AP3S1: variants seen among roughly 807,000 people sequenced by gnomAD.
The protein encoded by AP3S1 is adaptor related protein complex 3 subunit sigma 1.
In AP3S1, 12 loss-of-function variants were observed where a neutral mutation model predicts 21.3. The ratio of observed to expected loss-of-function variants is 0.56; its 90% CI spans 0.36 to 0.91. The LOEUF is 0.91. Ranked by LOEUF, AP3S1 falls within the 40% of genes least tolerant of loss-of-function variation. The pLI, the probability that AP3S1 is intolerant of heterozygous loss-of-function variation, is 0.01. For synonymous variants in AP3S1, 48 were observed against 78.4 expected (o/e 0.61, Z 2.05); for missense variants, 116 against 225.0 (o/e 0.52, Z 3.10).
At chr5:115,909,194 ATTGT>A (rs1751904511) in intron 5 of AP3S1, among the ~76,000 whole-genome samples, 1 of 152,154 alleles carries the variant, frequency 6.6e-6, no homozygotes, top group Non-Finnish European at 1.5e-5. Context: ...AAGAAAGTTG[ATTGT>A]TTATTGCATG....
intron 5 of AP3S1, among the ~76,000 whole-genome samples, chr5:115,906,044 G>A (rs1313004597): frequency 2.6e-5 from 4 of 152,260 alleles, no homozygotes; most frequent in South Asian, 4.2e-4. Flanking sequence ...TGTAATCCTA[G>A]TTGCTCTGGA....
intron 5 of AP3S1, among the ~76,000 whole-genome samples, chr5:115,911,833 A>G (rs1043487987): frequency 1.3e-5 from 2 of 152,050 alleles, no homozygotes; most frequent in African/African-American, 4.8e-5. Flanking sequence ...TCAGGTAGGT[A>G]TAAGTATAGA....
chr5:115,856,337 T>C (rs1378691975), intron 1 of AP3S1, among the ~76,000 whole-genome samples: 2 of 152,198 alleles, frequency 1.3e-5, no homozygotes, highest in Non-Finnish European at 2.9e-5. Context: ...TTAATTGATA[T>C]AATAACTGTG....
At chr5:115,902,144 C>T (rs1751271688) in intron 4 of AP3S1, among the ~76,000 whole-genome samples, 5 of 152,088 alleles carry the variant, frequency 3.3e-5, no homozygotes, top group African/African-American at 9.7e-5. Flanking sequence ...TTGGAGTCTC[C>T]ATTTCTAACC....
chr5:115,843,164 G>T (rs1761767840), intron 1 of AP3S1, among the ~76,000 whole-genome samples: 1 of 152,206 alleles, frequency 6.6e-6, no homozygotes, highest in South Asian at 2.1e-4. Context: ...TTAATGTGAG[G>T]TATAACTGTT....
intron 1 of AP3S1, among the ~76,000 whole-genome samples, chr5:115,855,732 T>C (rs924164266): frequency 5.3e-5 from 8 of 152,356 alleles, no homozygotes; most frequent in African/African-American, 1.9e-4. Flanking sequence ...ATTTTACTTC[T>C]TGTATTAGAT....
chr5:115,889,803 A>G (rs914437871), intron 3 of AP3S1, among the ~76,000 whole-genome samples: 2 of 146,490 alleles, frequency 1.4e-5, no homozygotes, highest in African/African-American at 5.1e-5. Flanking sequence ...TAGTGAAACC[A>G]TGTCTTTAAA....
intron 5 of AP3S1, among the ~76,000 whole-genome samples, chr5:115,908,052 C>A (rs1751800816): frequency 6.6e-6 from 1 of 152,094 alleles, no homozygotes; most frequent in African/African-American, 2.4e-5. Context: ...CTTTTAGCCA[C>A]TAAATTTTTA....
intron 1 of AP3S1, among the ~76,000 whole-genome samples, chr5:115,849,822 G>GT (rs1001964887): frequency 8.6e-5 from 13 of 151,912 alleles, no homozygotes; most frequent in Non-Finnish European, 1.6e-4. Flanking sequence ...ACTTGGGAGG[G>GT]TAAGGTGGGA....
At chr5:115,869,996 T>C in intron 2 of AP3S1, 21 bp from the exon 3 acceptor site, 2 of 1,469,026 alleles carry the variant, frequency 1.4e-6, no homozygotes, top group Non-Finnish European at 1.9e-6. Context: ...CCAATAACAT[T>C]ACAATTTTTT....
chr5:115,874,784 A>G (rs1202799262), intron 3 of AP3S1, among the ~76,000 whole-genome samples: 1 of 151,974 alleles, frequency 6.6e-6, no homozygotes, highest in Non-Finnish European at 1.5e-5. Context: ...TTTTAACTTT[A>G]CATGCTTGTT....
chr5:115,850,510 A>G (rs1016180735), intron 1 of AP3S1, among the ~76,000 whole-genome samples: 6 of 152,142 alleles, frequency 3.9e-5, no homozygotes, highest in African/African-American at 1.4e-4. Flanking sequence ...ATTAAACACT[A>G]ACTTCCTATT....
intron 1 of AP3S1, among the ~76,000 whole-genome samples, chr5:115,849,145 A>G (rs369850130): frequency 2.0e-5 from 3 of 152,218 alleles, no homozygotes; most frequent in Non-Finnish European, 2.9e-5. Context: ...TAATACAGTG[A>G]TAAGTAAGAC....
At chr5:115,907,997 AC>A (rs1484523893) in intron 5 of AP3S1, among the ~76,000 whole-genome samples, 1 of 152,160 alleles carries the variant, frequency 6.6e-6, no homozygotes. Flanking sequence ...AATTAGAAAA[AC>A]ATCACTGAGA....
At chr5:115,908,083 G>T (rs2112587997) in intron 5 of AP3S1, among the ~76,000 whole-genome samples, 1 of 152,230 alleles carries the variant, frequency 6.6e-6, no homozygotes, top group South Asian at 2.1e-4. Flanking sequence ...CGATGTGTTT[G>T]AGAAGAAGTA....
At chr5:115,896,900 ATTGAGGACTCTC>A in intron 4 of AP3S1, among the ~76,000 whole-genome samples, 1 of 152,322 alleles carries the variant, frequency 6.6e-6, no homozygotes, top group African/African-American at 2.4e-5. Context: ...TTTTAAGAAA[ATTGAGGACTCTC>A]TTGTGAAATG....
intron 3 of AP3S1, among the ~76,000 whole-genome samples, chr5:115,884,785 G>C (rs1341144569): frequency 6.6e-6 from 1 of 151,932 alleles, no homozygotes; most frequent in East Asian, 1.9e-4. Flanking sequence ...AAATTTTTCT[G>C]GGTTAAAAAA....
At chr5:115,844,446 G>T (rs1761909193) in intron 1 of AP3S1, among the ~76,000 whole-genome samples, 1 of 152,202 alleles carries the variant, frequency 6.6e-6, no homozygotes, top group African/African-American at 2.4e-5. Context: ...CACTGAGAAG[G>T]TGGCATTTGA....
intron 3 of AP3S1, among the ~76,000 whole-genome samples, chr5:115,887,350 A>G (rs1363805309): frequency 3.7e-5 from 4 of 106,878 alleles, no homozygotes; most frequent in Middle Eastern, 4.5e-3. Flanking sequence ...ATCTTATAAC[A>G]TGTCAGTGTA....
Sources: allele counts gnomAD v4.1 joint callset (sites outside exome capture counted in the v4.1 genomes callset), GRCh38; gene constraint gnomAD v4.1.1; transcripts MANE v1.5; gene names NCBI Gene and HGNC (gene_info 2026-07-23, HGNC 2026-07-21).